Variants in MED12L observed in about 807,000 individuals in gnomAD.
MED12L encodes mediator complex subunit 12L.
MED12L carries 60 observed loss-of-function variants against 281.3 expected under a neutral mutation model. The ratio of observed to expected loss-of-function variants is 0.21; its 90% CI spans 0.17 to 0.26. The LOEUF is 0.26. Among genes scored for constraint, MED12L ranks in the 10% least tolerant of loss-of-function variants. The probability of loss-of-function intolerance (pLI) is 1.00; values close to 1 mark genes in which losing one functional copy is unlikely to be tolerated. For missense variants in MED12L, 2,146 were observed against 2,680.9 expected, an observed-to-expected ratio of 0.80 and a Z score of 4.41; for synonymous variants, 974 against 987.2, an observed-to-expected ratio of 0.99 and a Z score of 0.25.
At chr3:151,202,932 T>G (rs375647593) in intron 16 of MED12L, among the ~76,000 whole-genome samples, 1 of 152,186 alleles carries the variant, frequency 6.6e-6, no homozygotes. Flanking sequence ...TCATCAGATA[T>G]AAGAAAATTA....
At chr3:151,375,745 C>T (rs138228067) in intron 27 of MED12L, among the ~76,000 whole-genome samples, 44 of 152,100 alleles carry the variant, frequency 2.9e-4, no homozygotes, top group African/African-American at 9.9e-4. Flanking sequence ...AGAGCAAGAC[C>T]TTACTTTCCA....
intron 23 of MED12L, among the ~76,000 whole-genome samples, chr3:151,367,116 C>CTTT (rs375892652): frequency 1.3e-5 from 2 of 151,932 alleles, no homozygotes; most frequent in African/African-American, 4.8e-5. Flanking sequence ...CCCCCTCTGT[C>CTTT]CTTTTTCTTC....
chr3:151,130,246 G>A (rs1036779525), intron 5 of MED12L, among the ~76,000 whole-genome samples: 2 of 151,878 alleles, frequency 1.3e-5, no homozygotes, highest in Non-Finnish European at 3.0e-5. Context: ...TTTCTTCTTA[G>A]TAAATGTTAT....
At chr3:151,419,825 G>A (rs1025256406) in intron 43 of MED12L, among the ~76,000 whole-genome samples, 5 of 152,184 alleles carry the variant, frequency 3.3e-5, no homozygotes, top group Admixed American at 3.3e-4. Context: ...TATGAAGTCA[G>A]TAAATCCTAT....
At chr3:151,273,337 T>TCTC (rs1251120352) in intron 16 of MED12L, among the ~76,000 whole-genome samples, 4 of 150,584 alleles carry the variant, frequency 2.7e-5, no homozygotes, top group African/African-American at 9.8e-5. Flanking sequence ...TTCAAGCAAT[T>TCTC]CTGCCTCAGC....
chr3:151,203,277 G>A (rs527409412), intron 16 of MED12L: 1 of 152,240 alleles, frequency 6.6e-6, no homozygotes, highest in South Asian at 2.1e-4. Flanking sequence ...AGATGAAACT[G>A]TGGTTTGCAA....
chr3:151,244,672 T>C (rs1734967072), intron 16 of MED12L, among the ~76,000 whole-genome samples: 1 of 150,200 alleles, frequency 6.7e-6, no homozygotes, highest in Non-Finnish European at 1.5e-5. Context: ...GCAGGAAAGA[T>C]CCAAAATTGA....
chr3:151,276,166 G>A lies in MED12L; in HGVS notation c.2251-73893G>A, dbSNP rs908603444. Among the ~76,000 whole-genome samples the A allele has an allele frequency of 3.9e-5, 6 of 152,340 alleles. No individual in the cohort carries two copies. The South Asian group carries it at 1.2e-3, about 32-fold the overall frequency. On this transcript the variant is annotated intron_variant, in intron 16 of 44. Coordinates refer to ENST00000687756, the MANE Select transcript of MED12L (RefSeq NM_001393769.1). ...GACATGGGGTCACCCAAAACTGAAT[G>A]TGCAACAGAATTACCTGGAGGGCTT...
chr3:151,417,204 A>G (rs2108394201), intron 43 of MED12L, among the ~76,000 whole-genome samples: 1 of 152,318 alleles, frequency 6.6e-6, no homozygotes, highest in African/African-American at 2.4e-5. Context: ...CCTACCTACG[A>G]TGAGCTGGCT....
chr3:151,383,816 A>C lies in MED12L; in HGVS notation c.4718A>C (p.Gln1573Pro). 6.2e-7 allele frequency: 1 copy of C among 1,614,022 alleles called. No homozygotes were observed. Among genetic ancestry groups the C allele is most frequent in the Non-Finnish European group, 8.5e-7 (1 of 1,179,920 alleles). Residue 1573 changes from glutamine to proline, a missense_variant, in exon 34 of 45, where the codon CAG (glutamine) becomes CCG (proline). Transcript: ENST00000687756. The part of the protein sequence containing the change: ...GMFDTVQRST[Q>P]WTTDWALLLL... ...TTTGACACGGTGCAGAGGAGCACCC[A>C]GTGGACTACAGACTGGGCCCTGCTA...
chr3:151,181,081 C>T (rs1722642237), intron 11 of MED12L, among the ~76,000 whole-genome samples: 1 of 150,060 alleles, frequency 6.7e-6, no homozygotes, highest in African/African-American at 2.5e-5. Flanking sequence ...GTTAAGTTTG[C>T]TGGCAATCTT....
At chr3:151,294,162 A>G in intron 16 of MED12L, 3 of 1,487,274 alleles carry the variant, frequency 2.0e-6, no homozygotes, top group Non-Finnish European at 2.8e-6. Flanking sequence ...AACAAACAAT[A>G]AAAGGCCTAC....
rs542540243 is a variant in MED12L at position 151,423,076 on chromosome 3, A to G, written c.6408+6654A>G. Among the ~76,000 whole-genome samples the G allele has an allele frequency of 3.3e-5, 5 of 150,378 alleles. No homozygotes were observed. In the South Asian group the frequency reaches 6.3e-4, roughly 19 times the overall value. ...GCTCTGTCACCCAGGCTGGAGTCCA[A>G]TGGTATGATCTCAGCTCACTGCAAC... On this transcript the variant is annotated intron_variant, in intron 43 of 44. Transcript: ENST00000687756.
intron 11 of MED12L, among the ~76,000 whole-genome samples, chr3:151,170,706 T>C (rs1721319405): frequency 6.6e-6 from 1 of 152,158 alleles, no homozygotes; most frequent in South Asian, 2.1e-4. Context: ...AAAACCTGAG[T>C]GTTTCCTTAT....
At chr3:151,198,503 T>G in intron 16 of MED12L, 1 of 1,613,670 alleles carries the variant, frequency 6.2e-7, no homozygotes, top group Non-Finnish European at 8.5e-7. Flanking sequence ...CTCAGTGACC[T>G]TTGAGCGGAA....
intron 2 of MED12L, among the ~76,000 whole-genome samples, chr3:151,104,474 G>C (rs1216052440): frequency 6.6e-6 from 1 of 152,128 alleles, no homozygotes; most frequent in East Asian, 1.9e-4. Flanking sequence ...TGCAGTCAGC[G>C]GCCGAGATGT....
At chr3:151,167,400 T>C (rs7638986) in intron 11 of MED12L, among the ~76,000 whole-genome samples, 6,019 of 152,322 alleles carry the variant, frequency 0.04, 395 homozygotes, top group African/African-American at 0.14. Flanking sequence ...AGTTAGCTGA[T>C]GGCAAGCATC....
chr3:151,376,934 G>A, intron 29 of MED12L, 57 bp from the exon 30 acceptor site: 5 of 1,608,936 alleles, frequency 3.1e-6, no homozygotes, highest in Non-Finnish European at 4.3e-6. Flanking sequence ...AAAACACGTT[G>A]ATGTTTGAGG....
At chr3:151,430,648 T>C (rs1010357046) in intron 44 of MED12L, among the ~76,000 whole-genome samples, 1 of 143,422 alleles carries the variant, frequency 7.0e-6, no homozygotes, top group East Asian at 2.0e-4. Context: ...TTTCTTCTCA[T>C]TGGGGGGACT....
Sources: gnomAD v4.1 joint callset for allele counts (sites outside exome capture counted in the v4.1 genomes callset) on GRCh38, gnomAD v4.1.1 for gene constraint, MANE v1.5 for transcripts, NCBI Gene and HGNC (gene_info 2026-07-23, HGNC 2026-07-21) for gene names.